Variants in FAM81A observed in about 807,000 individuals in gnomAD.
The protein encoded by FAM81A is protein FAM81A.
FAM81A carries 19 observed loss-of-function variants against 46.7 expected under a neutral mutation model. The observed-to-expected ratio is 0.41, with a 90% CI of 0.28 to 0.60. The LOEUF is 0.60. Among genes scored for constraint, FAM81A ranks in the 20% least tolerant of loss-of-function variants. The pLI is 0.34. For synonymous variants in FAM81A, 183 were observed against 152.9 expected (o/e 1.20, Z -1.45); for missense variants, 377 against 453.5 (o/e 0.83, Z 1.53).
chr15:59,457,829 G>A (rs150930099), intron 1 of FAM81A, among the ~76,000 whole-genome samples: 6 of 152,236 alleles, frequency 3.9e-5, no homozygotes, highest in Admixed American at 3.3e-4. Context: ...TAGTTAGTAG[G>A]CATTCATTAT....
intron 4 of FAM81A, among the ~76,000 whole-genome samples, chr15:59,505,284 G>A (rs560727094): frequency 6.6e-6 from 1 of 152,170 alleles, no homozygotes; most frequent in South Asian, 2.1e-4. Context: ...GGCTGAGGCG[G>A]GTGGATTGCC....
intron 4 of FAM81A, among the ~76,000 whole-genome samples, chr15:59,496,930 A>C (rs2082040038): frequency 6.6e-6 from 1 of 151,888 alleles, no homozygotes; most frequent in South Asian, 2.1e-4. Flanking sequence ...ATTTGAGATC[A>C]GCCTGGCCAA....
At chr15:59,521,163 T>A in intron 8 of FAM81A, 91 bp from the exon 9 acceptor site, 1 of 1,384,832 alleles carries the variant, frequency 7.2e-7, no homozygotes, top group Admixed American at 2.7e-5. Flanking sequence ...TAATAATTTT[T>A]GCCTGAATCA....
chr15:59,400,824 A>C (rs1450496423), intron 1 of FAM81A, among the ~76,000 whole-genome samples: 1 of 152,012 alleles, frequency 6.6e-6, no homozygotes, highest in African/African-American at 2.4e-5. Flanking sequence ...CACATTCCCT[A>C]CTTTTCTTTC....
rs1049636311 is a variant in FAM81A, at chr15:59,522,554, G to C, written c.*1176G>C. 1 of 152,150 alleles carries C rather than the reference G, an allele frequency of 6.6e-6. No individual in the cohort carries two copies. The highest frequency in any genetic ancestry group is 2.1e-4 in the South Asian group (1 of 4,826). The allele number at this position is 152,150 out of a possible 1,614,324, so 9.4% of individuals were successfully genotyped here. A position where few individuals can be genotyped will look rare whatever the true frequency, so the allele number is the denominator to read the frequency against. ...TCTTGAGCAACTTTGTAGATGATGG[G>C]TGTTTTATTTTCAATCGCCATATTT... On this transcript the variant is annotated 3_prime_UTR_variant, in exon 9 of 9. Transcript: ENST00000288228.
chr15:59,402,064 C>T (rs1347002351), intron 1 of FAM81A: 8 of 533,138 alleles, frequency 1.5e-5, no homozygotes, highest in East Asian at 3.6e-5. Flanking sequence ...TCTCAATTTT[C>T]GGGTCTTAGA....
At chr15:59,498,740 G>C (rs1396833611) in intron 4 of FAM81A, among the ~76,000 whole-genome samples, 1 of 152,006 alleles carries the variant, frequency 6.6e-6, no homozygotes. Flanking sequence ...TGCCCCCTCC[G>C]CCCCTCCAGG....
chr15:59,450,344 A>G (rs2081404491), intron 1 of FAM81A, among the ~76,000 whole-genome samples: 2 of 151,968 alleles, frequency 1.3e-5, no homozygotes, highest in African/African-American at 2.4e-5. Context: ...CTTTTTTGCT[A>G]TTAGAAAGAA....
At chr15:59,412,278 G>A (rs1030904967) in intron 2 of FAM81A, among the ~76,000 whole-genome samples, 16 of 152,174 alleles carry the variant, frequency 1.1e-4, no homozygotes, top group African/African-American at 3.6e-4. Context: ...GGCACGGGAG[G>A]TTCAGGAGTT....
intron 3 of FAM81A, among the ~76,000 whole-genome samples, chr15:59,471,648 T>TC (rs1223402468): frequency 6.6e-6 from 1 of 151,448 alleles, no homozygotes; most frequent in Non-Finnish European, 1.5e-5. Flanking sequence ...TTTTTTTTTT[T>TC]TGTAGAGATG....
intron 3 of FAM81A, 76 bp from the exon 4 acceptor site, chr15:59,492,195 G>A: frequency 1.9e-6 from 2 of 1,075,020 alleles, no homozygotes; most frequent in African/African-American, 1.6e-5. Context: ...TCTTATTTTT[G>A]CCAAAAGTAT....
chr15:59,433,248 G>GCGTTCAGGACCAGC, upstream of FAM81A, among the ~76,000 whole-genome samples: 1 of 151,158 alleles, frequency 6.6e-6, no homozygotes, highest in Non-Finnish European at 1.5e-5. Context: ...ATGAGGTCAG[G>GCGTTCAGGACCAGC]CTATTTTAGG....
intron 2 of FAM81A, among the ~76,000 whole-genome samples, chr15:59,403,129 G>A (rs2081079379): frequency 6.6e-6 from 1 of 152,130 alleles, no homozygotes; most frequent in South Asian, 2.1e-4. Context: ...GTCTCTGATA[G>A]TTTCAGGGTG....
intron 2 of FAM81A, 124 bp downstream of exon 2, chr15:59,458,770 T>G: frequency 2.3e-6 from 2 of 873,316 alleles, no homozygotes; most frequent in Non-Finnish European, 3.8e-6. Context: ...AACACTATTG[T>G]GTCCTCTAGC....
intron 2 of FAM81A, among the ~76,000 whole-genome samples, chr15:59,418,700 A>G (rs1467699610): frequency 2.0e-5 from 3 of 152,248 alleles, no homozygotes; most frequent in Non-Finnish European, 2.9e-5. Context: ...ACATGGGGAA[A>G]GAGCTTAGGC....
At chr15:59,442,572 G>A (rs1467043418) in intron 1 of FAM81A, among the ~76,000 whole-genome samples, 5 of 142,806 alleles carry the variant, frequency 3.5e-5, no homozygotes, top group Admixed American at 7.4e-5. Flanking sequence ...AGCTGAGATC[G>A]CGCCACTGCA....
intron 2 of FAM81A, among the ~76,000 whole-genome samples, chr15:59,405,391 A>T (rs117764264): frequency 0.16 from 24,104 of 152,132 alleles, 2,428 homozygotes; most frequent in Non-Finnish European, 0.22. Flanking sequence ...CTGGAATCCC[A>T]GCACTTTAGG....
At chr15:59,451,827 C>G (rs1695361155) in intron 1 of FAM81A, among the ~76,000 whole-genome samples, 1 of 152,170 alleles carries the variant, frequency 6.6e-6, no homozygotes, top group African/African-American at 2.4e-5. Context: ...TCTGGTTGCA[C>G]ATTCATTCTC....
At chr15:59,489,873 AC>A (rs2081963628) in intron 3 of FAM81A, among the ~76,000 whole-genome samples, 2 of 152,302 alleles carry the variant, frequency 1.3e-5, no homozygotes, top group South Asian at 4.1e-4. Flanking sequence ...ATGAAATTAG[AC>A]CCCTATTTCA....
Sources: allele counts gnomAD v4.1 joint callset (sites outside exome capture counted in the v4.1 genomes callset), GRCh38; gene constraint gnomAD v4.1.1; transcripts MANE v1.5; gene names NCBI Gene and HGNC (gene_info 2026-07-23, HGNC 2026-07-21).